C1orf54: variants seen among roughly 807,000 people sequenced by gnomAD.
C1orf54 encodes uncharacterized protein C1orf54.
In C1orf54, 12 loss-of-function variants were observed where a neutral mutation model predicts 14.7. The ratio of observed to expected loss-of-function variants is 0.82; its 90% CI spans 0.52 to 1.32. The LOEUF (loss-of-function observed/expected upper bound fraction) is 1.32, where lower values mean the gene tolerates loss of function less well. Among genes scored for constraint, C1orf54 ranks in the 40% most tolerant of loss-of-function variants. C1orf54 has a pLI of 0.00. For synonymous variants in C1orf54, 65 were observed against 56.3 expected (o/e 1.16, Z -0.70); for missense variants, 163 against 162.2 (o/e 1.00, Z -0.03).
chr1:150,279,837 T>TA, intron 5 of C1orf54, 96 bp downstream of exon 5: 1 of 1,052,606 alleles, frequency 9.5e-7, no homozygotes, highest in East Asian at 2.5e-5. Context: ...TATCTCTAGT[T>TA]AGTGTTTCCA....
upstream of C1orf54, chr1:150,272,709 T>C (rs1572098176): frequency 2.6e-5 from 29 of 1,115,654 alleles, no homozygotes; most frequent in South Asian, 3.8e-4. Flanking sequence ...AGGAGAAGAG[T>C]TGCTGCAGCT....
upstream of C1orf54, chr1:150,268,830 G>A: frequency 1.2e-6 from 2 of 1,602,238 alleles, no homozygotes; most frequent in South Asian, 1.1e-5. Context: ...GGTGGGAAGG[G>A]GGGTGGGGGC....
chr1:150,273,662 G>T (rs1051123937), intron 1 of C1orf54, among the ~76,000 whole-genome samples: 3 of 152,168 alleles, frequency 2.0e-5, no homozygotes, highest in Admixed American at 2.0e-4. Flanking sequence ...AAGCCTAAGG[G>T]TGTATGTTAG....
chr1:150,273,588 A>G (rs1652384462), intron 1 of C1orf54, among the ~76,000 whole-genome samples: 1 of 152,216 alleles, frequency 6.6e-6, no homozygotes, highest in Non-Finnish European at 1.5e-5. Context: ...AAGAAAGCGG[A>G]TGTTAAGTGG....
chr1:150,276,359 A>T (rs116349314), intron 3 of C1orf54, among the ~76,000 whole-genome samples, 163 bp from the exon 4 acceptor site: 5,180 of 152,190 alleles, frequency 0.034, 103 homozygotes, highest in Non-Finnish European at 0.048. Context: ...TTTGAATGAG[A>T]TGGGTACAAA....
intron 4 of C1orf54, among the ~76,000 whole-genome samples, chr1:150,276,973 G>C (rs1309325857): frequency 2.0e-5 from 3 of 152,112 alleles, no homozygotes; most frequent in South Asian, 4.1e-4. Context: ...GAAACACTTA[G>C]AACAAAATGA....
At chr1:150,279,155 C>G (rs587634839) in intron 4 of C1orf54, among the ~76,000 whole-genome samples, 1 of 152,296 alleles carries the variant, frequency 6.6e-6, no homozygotes, top group Non-Finnish European at 1.5e-5. Context: ...CCTGTAATCT[C>G]AGCTACTTGG....
chr1:150,276,610 T>C lies in C1orf54; in HGVS notation c.278T>C (p.Val93Ala), dbSNP rs782064288. The part of the protein sequence containing the change: ...ARADHPKPVT[V>A]KPVTTEPSPD... ...GCAGACCATCCGAAGCCTGTAACTG[T>C]GAAACCAGTAACAACGGAACCTGTG... The change falls in exon 4 of 6, where the codon GTG becomes GCG. Residue 93 changes from valine (V) to alanine (A), a missense_variant. By Grantham distance (64) the Val-to-Ala change is moderately conservative (BLOSUM62 0). Transcript: ENST00000369099. 3.1e-6 allele frequency: 5 copies of C among 1,613,654 alleles called. No individual in the cohort carries two copies. The highest frequency in any genetic ancestry group is 4.2e-6 in the Non-Finnish European group (5 of 1,179,724).
rs1653045722 is a variant in C1orf54, at chr1:150,280,823, C to G, written c.*4-12C>G. On this transcript the variant is annotated splice_polypyrimidine_tract_variant and intron_variant, in intron 5 of 5. Coordinates refer to ENST00000369099, the MANE Select transcript of C1orf54 (RefSeq NM_024579.4). ...GACTCCTTTTATTTTCTTTCTTTCT[C>G]TGCTTTTTTAGGTGGAAGAAGGCTG... 2 of 1,549,544 alleles carry G rather than the reference C, an allele frequency of 1.3e-6. No individual in the cohort carries two copies. The highest frequency in any genetic ancestry group is 1.7e-6 in the Non-Finnish European group (2 of 1,146,540).
chr1:150,268,821 G>A, upstream of C1orf54: 1 of 1,608,404 alleles, frequency 6.2e-7, no homozygotes, highest in Non-Finnish European at 8.5e-7. Context: ...GGCTGGTCAG[G>A]TGGGAAGGGG....
chr1:150,277,682 C>T (rs1652781986), intron 4 of C1orf54, among the ~76,000 whole-genome samples: 1 of 152,022 alleles, frequency 6.6e-6, no homozygotes, highest in African/African-American at 2.4e-5. Context: ...AGTAATTTCA[C>T]ATGTGGCAAC....
At chr1:150,279,612 C>T (rs782277241) in intron 4 of C1orf54, 31 bp from the exon 5 acceptor site, 5 of 1,585,942 alleles carry the variant, frequency 3.2e-6, no homozygotes, top group Non-Finnish European at 4.3e-6. Flanking sequence ...TGACACCAGC[C>T]TACTGTGTGG....
upstream of C1orf54, among the ~76,000 whole-genome samples, chr1:150,271,427 T>TA (rs1652199174): frequency 6.6e-6 from 1 of 152,200 alleles, no homozygotes; most frequent in Admixed American, 6.5e-5. Context: ...ATTGAGCTGT[T>TA]ACCACAGCAT....
intron 2 of C1orf54, among the ~76,000 whole-genome samples, chr1:150,274,891 C>T (rs1179574131): frequency 4.7e-5 from 6 of 126,320 alleles, no homozygotes; most frequent in Admixed American, 1.8e-4. Flanking sequence ...CCAGCCTGGG[C>T]GACAGAATGA....
intron 5 of C1orf54, among the ~76,000 whole-genome samples, chr1:150,280,619 A>G (rs1653015392): frequency 6.6e-6 from 1 of 152,168 alleles, no homozygotes; most frequent in Non-Finnish European, 1.5e-5. Flanking sequence ...AAGAATTTTT[A>G]AATTGGGATG....
At chr1:150,273,046 G>T (rs1319883084) in intron 1 of C1orf54, among the ~76,000 whole-genome samples, 183 bp downstream of exon 1, 2 of 152,066 alleles carry the variant, frequency 1.3e-5, no homozygotes, top group African/African-American at 2.4e-5. Context: ...AGGAAAGGGG[G>T]AAAAAAGCAG....
At chr1:150,271,898 G>C (rs587656104), upstream of C1orf54, among the ~76,000 whole-genome samples, 27 of 152,280 alleles carry the variant, frequency 1.8e-4, no homozygotes, top group African/African-American at 6.5e-4. Context: ...CAGTACTTTG[G>C]GAGGCCAAGA....
rs1411192590 is a variant in C1orf54 at position 150,280,885 on chromosome 1, T to C, written c.*54T>C. ...TGGATGGGAGTCTGGCAAGAGGAAA[T>C]TGGAAGATAAAATAAATAATAAGTG... On this transcript the variant is annotated 3_prime_UTR_variant, in exon 6 of 6. Transcript: ENST00000369099. The C allele has an allele frequency of 3.9e-6, 6 of 1,549,790 alleles. No homozygotes were observed. Among genetic ancestry groups the C allele is most frequent in the African/African-American group, 1.4e-5 (1 of 72,944 alleles).
intron 2 of C1orf54, among the ~76,000 whole-genome samples, chr1:150,274,770 G>A (rs1324150508): frequency 6.6e-6 from 1 of 151,502 alleles, no homozygotes; most frequent in Non-Finnish European, 1.5e-5. Context: ...AAAATTAGCT[G>A]GGCATGGTGG....
Sources: gnomAD v4.1 joint callset for allele counts (sites outside exome capture counted in the v4.1 genomes callset) on GRCh38, gnomAD v4.1.1 for gene constraint, MANE v1.5 for transcripts, NCBI Gene and HGNC (gene_info 2026-07-23, HGNC 2026-07-21) for gene names.